The following OTUD4 variants were observed in gnomAD, a reference collection of about 807,000 sequenced individuals.
The protein encoded by OTUD4 is OTU deubiquitinase 4.
OTUD4 carries 24 observed loss-of-function variants against 130.4 expected under a neutral mutation model. The observed-to-expected ratio is 0.18, with a 90% CI of 0.13 to 0.26. The LOEUF (loss-of-function observed/expected upper bound fraction) is 0.26, where lower values mean the gene tolerates loss of function less well. Among genes scored for constraint, OTUD4 ranks in the 10% least tolerant of loss-of-function variants. The pLI is 1.00. For missense variants in OTUD4, 1,031 were observed against 1,329.4 expected, an observed-to-expected ratio of 0.78 and a Z score of 3.49; for synonymous variants, 420 against 472.5, an observed-to-expected ratio of 0.89 and a Z score of 1.44.
chr4:145,143,968 C>G lies in OTUD4; in HGVS notation c.1580G>C (p.Arg527Thr). Reference protein sequence around the residue: ...SIHGHSQLDKRPEPSTLENIT... With the variant: ...SIHGHSQLDKTPEPSTLENIT... ...TACCTCCAATGTGCTTGGTTCGGGT[C>G]TTTTATCCAACTGACTATGTCCATG... Residue 527 changes from arginine (R) to threonine (T), a missense_variant, in exon 16 of 21, where the codon AGA (arginine) becomes ACA (threonine). By Grantham distance (71) the Arg-to-Thr change is moderately conservative. Coordinates refer to ENST00000447906, the MANE Select transcript of OTUD4 (RefSeq NM_001366057.1). 1 of 1,613,128 alleles carries G rather than the reference C, an allele frequency of 6.2e-7. No homozygotes were observed. The highest frequency in any genetic ancestry group is 1.1e-5 in the South Asian group (1 of 91,044).
chr4:145,147,420 C>T (rs1341846179), intron 13 of OTUD4, among the ~76,000 whole-genome samples: 1 of 152,108 alleles, frequency 6.6e-6, no homozygotes, highest in Non-Finnish European at 1.5e-5. Flanking sequence ...CTTCCCAAAT[C>T]CCAGTGGTAA....
rs750347845 is a variant in OTUD4 at position 145,138,275 on chromosome 4, T to C, written c.2500A>G (p.Lys834Glu). The change falls in exon 21 of 21, where the codon AAG becomes GAG. Residue 834 changes from lysine to glutamate, a missense_variant. Around this residue, in one of 3 missense-constraint regions of OTUD4, gnomAD observed 900 missense variants for 1,095.9 expected, o/e 0.82. Coordinates refer to ENST00000447906, the MANE Select transcript of OTUD4 (RefSeq NM_001366057.1). ...AAAGATGGCTGGGGGAACATATTCT[T>C]GCCACTTAGTGACTCTTCATAATCA... ...HADYEESLSG[K>E]NMFPQPSFGP... 3 of 1,614,012 alleles carry C rather than the reference T, an allele frequency of 1.9e-6. No homozygotes were observed. Among genetic ancestry groups the C allele is most frequent in the Non-Finnish European group, 2.5e-6 (3 of 1,179,886 alleles).
intron 14 of OTUD4, among the ~76,000 whole-genome samples, chr4:145,145,627 CAG>C (rs1381269298): frequency 6.6e-6 from 1 of 152,230 alleles, no homozygotes; most frequent in Non-Finnish European, 1.5e-5. Context: ...TAAAAGACCA[CAG>C]GCACAGGCTC....
chr4:145,159,782 AT>A, intron 6 of OTUD4, 147 bp from the exon 7 acceptor site: 1 of 725,234 alleles, frequency 1.4e-6, no homozygotes, highest in Non-Finnish European at 2.2e-6. Context: ...CAATAACATA[AT>A]TTTATCAGAA....
At chr4:145,140,320 T>C (rs1384499450) in intron 19 of OTUD4, among the ~76,000 whole-genome samples, 1 of 152,148 alleles carries the variant, frequency 6.6e-6, no homozygotes, top group Non-Finnish European at 1.5e-5. Context: ...GTTTAAAAAT[T>C]AGGAAATAAA....
At chr4:145,179,692 A>C in intron 1 of OTUD4, 123 bp downstream of exon 1, 1 of 1,406,728 alleles carries the variant, frequency 7.1e-7, no homozygotes, top group Non-Finnish European at 9.2e-7. Context: ...CGCTGTGACG[A>C]CAGCCAGGGC....
chr4:145,139,111 A>C lies in OTUD4; in HGVS notation c.2125-461T>G, dbSNP rs1003503789. On this transcript the variant is annotated intron_variant, in intron 20 of 20. Transcript: ENST00000447906. Reference sequence around the variant, plus strand: ...AATGTAAGGATTAAGTTAGACCTCTAATCAGGGAGGGATAATGTTGAAAAT... The same window carrying C: ...AATGTAAGGATTAAGTTAGACCTCTCATCAGGGAGGGATAATGTTGAAAAT... Among the ~76,000 whole-genome samples, 3 of 152,222 alleles carry C rather than the reference A, an allele frequency of 2.0e-5. No individual in the cohort carries two copies. The East Asian group carries it at 5.8e-4, about 29-fold the overall frequency.
Position 145,151,838 on chromosome 4 carries a change from G to A in OTUD4, c.968+703C>T, listed in dbSNP as rs1484246314. On this transcript the variant is annotated intron_variant, in intron 11 of 20. Transcript: ENST00000447906. ...GCCCAGCGGCAACTGAAACAAAGAT[G>A]CTCTAAAATAACACTGTATAAGGTA... is the stretch of plus-strand genomic sequence containing the variant. 3.3e-5 allele frequency among the ~76,000 whole-genome samples: 5 copies of A among 152,264 alleles called. No individual in the cohort carries two copies. The East Asian group carries it at 9.6e-4, about 29-fold the overall frequency.
At chr4:145,177,132 A>C (rs1221137873) in intron 1 of OTUD4, among the ~76,000 whole-genome samples, 3 of 152,262 alleles carry the variant, frequency 2.0e-5, no homozygotes, top group Non-Finnish European at 4.4e-5. Context: ...GTTAGACACT[A>C]TCATGAATCA....
chr4:145,159,037 C>T, intron 7 of OTUD4: 1 of 380,274 alleles, frequency 2.6e-6, no homozygotes, highest in Non-Finnish European at 3.7e-6. Flanking sequence ...ACAACCTACA[C>T]AGAGGCATTA....
chr4:145,164,517 G>C (rs1751749694), intron 4 of OTUD4, among the ~76,000 whole-genome samples: 1 of 151,902 alleles, frequency 6.6e-6, no homozygotes, highest in African/African-American at 2.4e-5. Context: ...ACAACATTCT[G>C]AAAAGAAAAA....
Position 145,135,436 on chromosome 4 carries a change from A to G in OTUD4, c.*1994T>C, listed in dbSNP as rs1356899712. Reference sequence around the variant, plus strand: ...ATTTTGGACTCCTGAGATCAAACACATTGAACTTTCAAATCTGGTGTTTGT... The same window carrying G: ...ATTTTGGACTCCTGAGATCAAACACGTTGAACTTTCAAATCTGGTGTTTGT... On this transcript the variant is annotated 3_prime_UTR_variant, in exon 21 of 21. Transcript: ENST00000447906. The G allele has an allele frequency of 6.6e-6, 1 of 152,226 alleles. No individual in the cohort carries two copies. Among genetic ancestry groups the G allele is most frequent in the African/African-American group, 2.4e-5 (1 of 41,452 alleles). The allele number at this position is 152,226 out of a possible 1,614,324, so 9.4% of individuals were successfully genotyped here. A position where few individuals can be genotyped will look rare whatever the true frequency, so the allele number is the denominator to read the frequency against.
chr4:145,154,596 C>A (rs1207214605), intron 10 of OTUD4, among the ~76,000 whole-genome samples: 1 of 152,068 alleles, frequency 6.6e-6, no homozygotes, highest in Non-Finnish European at 1.5e-5. Context: ...TATTTTTCCA[C>A]AAATGAAGAA....
intron 2 of OTUD4, among the ~76,000 whole-genome samples, chr4:145,173,405 A>G (rs182985496): frequency 0.015 from 2,343 of 152,232 alleles, 56 homozygotes; most frequent in Admixed American, 0.073. Flanking sequence ...AAAAAAAAAA[A>G]TTATATGGAC....
chr4:145,167,515 G>A (rs984843935), intron 3 of OTUD4, among the ~76,000 whole-genome samples: 6 of 152,102 alleles, frequency 3.9e-5, no homozygotes, highest in East Asian at 3.9e-4. Flanking sequence ...TCAAACACAC[G>A]AGCTACATTT....
intron 15 of OTUD4, 79 bp downstream of exon 15, chr4:145,144,232 T>A (rs1750716439): frequency 1.4e-6 from 2 of 1,473,526 alleles, no homozygotes; most frequent in Non-Finnish European, 1.8e-6. Flanking sequence ...TAAAAAGGGT[T>A]CTTTCCCAAA....
chr4:145,174,589 C>T (rs902172442), intron 2 of OTUD4, 72 bp downstream of exon 2: 1 of 823,838 alleles, frequency 1.2e-6, no homozygotes, highest in Non-Finnish European at 2.1e-6. Flanking sequence ...TGAAATTCTA[C>T]TAGAACACTT....
intron 2 of OTUD4, among the ~76,000 whole-genome samples, chr4:145,173,760 G>C (rs983932867): frequency 1.3e-5 from 2 of 152,166 alleles, no homozygotes; most frequent in African/African-American, 4.8e-5. Flanking sequence ...AATAAATCCT[G>C]TAAGACTTTG....
At chr4:145,146,519 A>C in intron 13 of OTUD4, 90 bp from the exon 14 acceptor site, 1 of 789,510 alleles carries the variant, frequency 1.3e-6, no homozygotes, top group South Asian at 2.7e-5. Context: ...AAAAACACAA[A>C]ACTGTACTGA....
Sources: gnomAD v4.1 joint callset for allele counts (sites outside exome capture counted in the v4.1 genomes callset) on GRCh38, gnomAD v4.1.1 for gene constraint, gnomAD v4.1.1 regional missense constraint, MANE v1.5 for transcripts, NCBI Gene and HGNC (gene_info 2026-07-23, HGNC 2026-07-21) for gene names.